Variants in GSTO2 observed in about 807,000 individuals in gnomAD.
The protein encoded by GSTO2 is glutathione S-transferase omega-2.
Under a neutral mutation model 28.4 loss-of-function variants are expected in GSTO2, and 23 were observed. The observed-to-expected ratio is 0.81, with a 90% CI of 0.58 to 1.15. The LOEUF is 1.15. Ranked by LOEUF, GSTO2 falls within the 50% of genes most tolerant of loss-of-function variation. The pLI is 0.00. For missense variants in GSTO2, 298 were observed against 297.8 expected (o/e 1.00, Z 0.00); for synonymous variants, 109 against 111.0 (o/e 0.98, Z 0.11).
intron 5 of GSTO2, 64 bp from the exon 6 acceptor site, chr10:104,297,512 TTA>T (rs2013093477): frequency 2.0e-6 from 2 of 977,028 alleles, no homozygotes; most frequent in Admixed American, 3.8e-5. Flanking sequence ...AGATTTACAT[TTA>T]GTGTCTATAA....
intron 4 of GSTO2, 78 bp downstream of exon 4, chr10:104,278,194 C>A (rs1447399930): frequency 3.8e-6 from 4 of 1,066,488 alleles, no homozygotes; most frequent in South Asian, 2.8e-5. Context: ...ATTTTAAAGC[C>A]AAATCATTGG....
chr10:104,275,096 C>T, intron 2 of GSTO2, 130 bp from the exon 3 acceptor site: 1 of 1,516,328 alleles, frequency 6.6e-7, no homozygotes, highest in South Asian at 1.3e-5. Context: ...ACATGCAGCA[C>T]TGCCCTCTCT....
At chr10:104,274,091 G>T (rs542534201) in intron 1 of GSTO2, among the ~76,000 whole-genome samples, 1 of 152,308 alleles carries the variant, frequency 6.6e-6, no homozygotes, top group South Asian at 2.1e-4. Context: ...TGTGCAAGTC[G>T]CCCCTATATG....
intron 6 of GSTO2, among the ~76,000 whole-genome samples, chr10:104,297,941 C>T (rs1421953181): frequency 1.3e-5 from 2 of 152,170 alleles, no homozygotes; most frequent in Non-Finnish European, 2.9e-5. Flanking sequence ...GCCTGCTGTC[C>T]TCACCAGCGC....
chr10:104,281,587 A>G (rs1443801467), intron 5 of GSTO2, among the ~76,000 whole-genome samples: 1 of 152,228 alleles, frequency 6.6e-6, no homozygotes, highest in East Asian at 1.9e-4. Context: ...CAAATGAACC[A>G]GTATTTTGTG....
chr10:104,278,812 G>T (rs965267042), intron 4 of GSTO2, among the ~76,000 whole-genome samples: 1 of 152,182 alleles, frequency 6.6e-6, no homozygotes, highest in Non-Finnish European at 1.5e-5. Context: ...AAGAGTGCCT[G>T]CTGTCCAGGA....
intron 1 of GSTO2, 143 bp from the exon 2 acceptor site, chr10:104,274,542 C>T (rs1415930790): frequency 3.0e-6 from 1 of 333,802 alleles, no homozygotes; most frequent in East Asian, 7.0e-5. Context: ...TGATTAAACT[C>T]CTTTGAAATC....
chr10:104,286,288 C>T (rs1430523245), intron 5 of GSTO2, among the ~76,000 whole-genome samples: 1 of 152,196 alleles, frequency 6.6e-6, no homozygotes. Context: ...CTGTACGCAG[C>T]CACTGATCTG....
At chr10:104,286,734 A>G (rs1022504069) in intron 5 of GSTO2, among the ~76,000 whole-genome samples, 1 of 152,138 alleles carries the variant, frequency 6.6e-6, no homozygotes, top group Non-Finnish European at 1.5e-5. Context: ...GACAGCTGCT[A>G]ATATTTGCTG....
At position 104,274,912 on chromosome 10, in the gene GSTO2, G is replaced by A. The variant is rs780067373; in HGVS notation, c.-4G>A. ...CCGGGAGCTGCGCAAACCACCTGGA[G>A]ACCATGTCTGGGGATGCGACCAGGA... On this transcript the variant is annotated 5_prime_UTR_variant, in exon 2 of 7. Transcript: ENST00000338595. 4 of 1,610,012 alleles carry A rather than the reference G, an allele frequency of 2.5e-6. No homozygotes were observed. Among genetic ancestry groups the A allele is most frequent in the Non-Finnish European group, 3.4e-6 (4 of 1,178,466 alleles).
chr10:104,291,510 C>T (rs2012765661), intron 5 of GSTO2: 1 of 152,264 alleles, frequency 6.6e-6, no homozygotes, highest in South Asian at 2.1e-4. Context: ...TCCGGTTGAA[C>T]GTTCTTGGGG....
chr10:104,279,520 G>A, intron 5 of GSTO2, 49 bp downstream of exon 5: 2 of 1,332,762 alleles, frequency 1.5e-6, no homozygotes, highest in Non-Finnish European at 2.2e-6. Context: ...AGGAAGCTAG[G>A]CAGGGTCGCT....
intron 4 of GSTO2, 84 bp downstream of exon 4, chr10:104,278,200 A>C (rs936800089): frequency 9.8e-7 from 1 of 1,020,808 alleles, no homozygotes; most frequent in African/African-American, 1.6e-5. Context: ...AAGCCAAATC[A>C]TTGGTGAAAC....
At chr10:104,280,943 C>T (rs2012001510) in intron 5 of GSTO2, among the ~76,000 whole-genome samples, 1 of 152,156 alleles carries the variant, frequency 6.6e-6, no homozygotes. Context: ...ACCTTTTGTC[C>T]TGAGGTCACC....
rs765375682 is a variant in GSTO2 at position 104,275,302 on chromosome 10, G to A, written c.111G>A (p.Arg37=). 19 of 1,613,866 alleles carry A rather than the reference G, an allele frequency of 1.2e-5. No individual in the cohort carries two copies. Among genetic ancestry groups the A allele is most frequent in the Admixed American group, 1.7e-5 (1 of 59,970 alleles). ...TGAGGTTCTGCCCCTATTCTCACAG[G>A]ACCCGCCTCGTCCTCAAGGCCAAAG... The part of the protein sequence containing the change: ...YSMRFCPYSH[R]TRLVLKAKDI... Residue 37 remains arginine (R), a synonymous_variant, in exon 3 of 7, where the codon AGG becomes AGA. Coordinates refer to ENST00000338595, the MANE Select transcript of GSTO2 (RefSeq NM_183239.2).
intron 1 of GSTO2, among the ~76,000 whole-genome samples, chr10:104,270,357 G>A (rs2011336123): frequency 6.7e-6 from 1 of 149,538 alleles, no homozygotes; most frequent in Admixed American, 6.6e-5. Flanking sequence ...GGATTTAACA[G>A]GAGTTAATGA....
At chr10:104,282,566 A>G (rs191821093) in intron 5 of GSTO2, among the ~76,000 whole-genome samples, 3,198 of 150,844 alleles carry the variant, frequency 0.021, 51 homozygotes, top group Middle Eastern at 0.038. Context: ...AAAAAAAAAA[A>G]AAGAAGAAGA....
At chr10:104,292,891 T>C (rs571577218) in intron 5 of GSTO2, among the ~76,000 whole-genome samples, 8 of 152,364 alleles carry the variant, frequency 5.3e-5, no homozygotes, top group Admixed American at 2.0e-4. Flanking sequence ...TTTCTGATGA[T>C]AAAACACTTA....
At position 104,274,926 on chromosome 10, in the gene GSTO2, A is replaced by G. The variant is rs770539990; in HGVS notation, c.11A>G (p.Asp4Gly). ...AACCACCTGGAGACCATGTCTGGGG[A>G]TGCGACCAGGACCCTGGGGAAAGGT... MSG[D>G]ATRTLGKGSQ... The change falls in exon 2 of 7, where the codon GAT becomes GGT. Residue 4 changes from aspartate to glycine, a missense_variant. Asp to Gly is a moderately conservative substitution (Grantham distance 94). Coordinates refer to ENST00000338595, the MANE Select transcript of GSTO2 (RefSeq NM_183239.2). The G allele has an allele frequency of 2.9e-5, 46 of 1,609,860 alleles. No individual in the cohort carries two copies. Among genetic ancestry groups the G allele is most frequent in the Non-Finnish European group, 3.6e-5 (42 of 1,178,514 alleles).
Sources: allele counts gnomAD v4.1 joint callset (sites outside exome capture counted in the v4.1 genomes callset), GRCh38; gene constraint gnomAD v4.1.1; transcripts MANE v1.5; gene names NCBI Gene and HGNC (gene_info 2026-07-23, HGNC 2026-07-21).